Variants in NDUFA10 observed in about 807,000 individuals in gnomAD.
NDUFA10 encodes the protein NADH dehydrogenase [ubiquinone] 1 alpha subcomplex subunit 10, mitochondrial.
NDUFA10 carries 40 observed loss-of-function variants against 47.8 expected under a neutral mutation model. The ratio of observed to expected loss-of-function variants is 0.84; its 90% CI spans 0.65 to 1.09. NDUFA10 has a LOEUF of 1.09. Among genes scored for constraint, NDUFA10 ranks in the 50% least tolerant of loss-of-function variants. NDUFA10 has a pLI of 0.00. For missense variants in NDUFA10, 413 were observed against 451.1 expected (o/e 0.92, Z 0.76); for synonymous variants, 183 against 172.2 (o/e 1.06, Z -0.49).
intron 4 of NDUFA10, among the ~76,000 whole-genome samples, chr2:239,938,061 A>G (rs1263649004): frequency 6.6e-6 from 1 of 151,922 alleles, no homozygotes; most frequent in African/African-American, 2.4e-5. Context: ...TGCATCCCTG[A>G]CGCCAGGACA....
At chr2:239,986,718 G>A (rs113697949) in intron 9 of NDUFA10, among the ~76,000 whole-genome samples, 25 of 152,294 alleles carry the variant, frequency 1.6e-4, no homozygotes, top group African/African-American at 5.1e-4. Context: ...AATCATCATA[G>A]TAATAATTTA....
At chr2:240,013,653 A>G (rs900909373) in intron 5 of NDUFA10, 1 of 152,246 alleles carries the variant, frequency 6.6e-6, no homozygotes, top group Non-Finnish European at 1.5e-5. Flanking sequence ...TGTTTCTACT[A>G]TTGCAACAGA....
chr2:239,929,369 A>AT (rs1373521779), intron 4 of NDUFA10, among the ~76,000 whole-genome samples: 1 of 152,156 alleles, frequency 6.6e-6, no homozygotes, highest in African/African-American at 2.4e-5. Context: ...TCACGAGGCC[A>AT]TTTCTCTTGT....
intron 4 of NDUFA10, chr2:240,017,727 T>G (rs752615464): frequency 9.4e-7 from 1 of 1,059,900 alleles, no homozygotes; most frequent in African/African-American, 1.6e-5. Flanking sequence ...GCAGTGCTCT[T>G]GCGGGCGGCA....
At chr2:239,954,695 T>A (rs1214850797), downstream of NDUFA10, among the ~76,000 whole-genome samples, 6 of 152,248 alleles carry the variant, frequency 3.9e-5, no homozygotes. Context: ...CTCAACAGTC[T>A]GAGGTCTTTC....
intron 8 of NDUFA10, among the ~76,000 whole-genome samples, chr2:240,004,522 C>CT (rs1559381244): frequency 9.4e-6 from 1 of 106,382 alleles, no homozygotes; most frequent in Non-Finnish European, 2.3e-5. Flanking sequence ...CCTAGTCCTA[C>CT]CCCCTTCTGC....
At chr2:239,921,365 C>A (rs1187076084) in intron 4 of NDUFA10, among the ~76,000 whole-genome samples, 1 of 146,156 alleles carries the variant, frequency 6.8e-6, no homozygotes, top group South Asian at 2.1e-4. Context: ...GCTTCTACAG[C>A]GTGGAAAGGA....
At chr2:239,981,706 A>G (rs1168401687) in intron 9 of NDUFA10, among the ~76,000 whole-genome samples, 2 of 152,196 alleles carry the variant, frequency 1.3e-5, no homozygotes, top group Non-Finnish European at 2.9e-5. Flanking sequence ...ATCATAAAAC[A>G]TGCATGCAAC....
At chr2:239,977,737 C>T (rs961586059) in intron 9 of NDUFA10, among the ~76,000 whole-genome samples, 4 of 152,174 alleles carry the variant, frequency 2.6e-5, no homozygotes, top group African/African-American at 9.7e-5. Flanking sequence ...TGGAACTGGC[C>T]CTGTGATGTG....
chr2:239,983,414 G>C, intron 9 of NDUFA10: 1 of 1,452,108 alleles, frequency 6.9e-7, no homozygotes, highest in African/African-American at 1.4e-5. Flanking sequence ...TCCAGAAATG[G>C]TCATTATTAT....
chr2:239,929,497 T>G (rs554910602), intron 4 of NDUFA10, among the ~76,000 whole-genome samples: 124 of 152,312 alleles, frequency 8.1e-4, no homozygotes, highest in African/African-American at 2.8e-3. Flanking sequence ...CGTTATTTAA[T>G]CAGTGGTGAT....
In NDUFA10 at chr2:239,997,017, AGTT is replaced by A. The variant is rs1015907154; in HGVS notation, c.891-6838_891-6836del. Among the ~76,000 whole-genome samples the A allele has an allele frequency of 7.9e-5, 12 of 152,072 alleles. 1 individual carries two copies. The highest frequency in any genetic ancestry group is 2.9e-4 in the African/African-American group (12 of 41,442). On this transcript the variant is annotated intron_variant, in intron 8 of 9. Coordinates refer to ENST00000252711, the MANE Select transcript of NDUFA10 (RefSeq NM_004544.4). ...AATACAATGTAAATGCTATATAAAT[AGTT>A]GTTATACTGTATTTTTACATTTTTA...
chr2:239,934,719 T>C (rs1252862224), intron 4 of NDUFA10, among the ~76,000 whole-genome samples: 1 of 152,196 alleles, frequency 6.6e-6, no homozygotes, highest in East Asian at 1.9e-4. Context: ...TGCGATTGTC[T>C]GTCCTTTGAC....
intron 9 of NDUFA10, chr2:239,973,516 C>T (rs1695383230): frequency 4.2e-6 from 2 of 470,752 alleles, no homozygotes; most frequent in South Asian, 1.5e-5. Context: ...GGCGAGAAAA[C>T]AGAAGATTCT....
intron 5 of NDUFA10, chr2:240,012,017 G>A (rs1049089566): frequency 1.9e-5 from 7 of 361,734 alleles, no homozygotes; most frequent in African/African-American, 4.2e-5. Context: ...TCGTGCCTGA[G>A]TGCAGGAATG....
rs547384079 is a variant in NDUFA10, at chr2:239,987,790, G to C, written c.999+2284C>G. Among the ~76,000 whole-genome samples the C allele has an allele frequency of 1.2e-4, 19 of 152,264 alleles. No individual in the cohort carries two copies. In the South Asian group the frequency reaches 3.9e-3, roughly 32 times the overall value. On this transcript the variant is annotated intron_variant, in intron 9 of 9. Coordinates refer to ENST00000252711, the MANE Select transcript of NDUFA10 (RefSeq NM_004544.4). The surrounding 1 kb of genome is among the most constrained non-coding windows in gnomAD (Gnocchi z 4.8). ...CTCCGAACAGTCGCAGATGCCTGTG[G>C]GACTAACACGTATGGAGAATTAAGA...
At chr2:239,942,237 G>A (rs190969498) in intron 4 of NDUFA10, among the ~76,000 whole-genome samples, 20 of 152,342 alleles carry the variant, frequency 1.3e-4, no homozygotes, top group African/African-American at 3.6e-4. Flanking sequence ...CTAGGGCAGC[G>A]GTGTTCACGC....
At chr2:239,913,063 C>CA (rs1261109472) in intron 4 of NDUFA10, among the ~76,000 whole-genome samples, 1 of 145,062 alleles carries the variant, frequency 6.9e-6, no homozygotes, top group Non-Finnish European at 1.5e-5. Context: ...CTCTGCCACT[C>CA]GGGGCCACTG....
chr2:239,989,352 G>T (rs144674183), intron 9 of NDUFA10, among the ~76,000 whole-genome samples: 3 of 152,220 alleles, frequency 2.0e-5, no homozygotes, highest in African/African-American at 7.2e-5. Context: ...AAAAGATTTA[G>T]ATTTCAACTC....
Sources: allele counts gnomAD v4.1 joint callset (sites outside exome capture counted in the v4.1 genomes callset), GRCh38; gene constraint gnomAD v4.1.1; non-coding constraint Gnocchi (gnomAD v3.1); transcripts MANE v1.5; gene names NCBI Gene and HGNC (gene_info 2026-07-23, HGNC 2026-07-21).